Variants in NEK10 observed in about 807,000 individuals in gnomAD.
NEK10 encodes the protein NIMA related kinase 10.
Under a neutral mutation model 159.8 loss-of-function variants are expected in NEK10, and 122 were observed. That is an observed-to-expected ratio of 0.76 (90% CI 0.66 to 0.89). The LOEUF is 0.89. Among genes scored for constraint, NEK10 ranks in the 40% least tolerant of loss-of-function variants. The pLI, the probability that NEK10 is intolerant of heterozygous loss-of-function variation, is 0.00. For missense variants in NEK10, 1,342 were observed against 1,323.1 expected (o/e 1.01, Z -0.22); for synonymous variants, 466 against 457.1 (o/e 1.02, Z -0.25).
At chr3:27,328,400 A>T (rs1162888830) in intron 5 of NEK10, among the ~76,000 whole-genome samples, 1 of 152,220 alleles carries the variant, frequency 6.6e-6, no homozygotes, top group African/African-American at 2.4e-5. Flanking sequence ...CAGTCACAGA[A>T]CAGTTCTTTG....
At chr3:27,189,741 T>G (rs1948952301) in intron 26 of NEK10, among the ~76,000 whole-genome samples, 1 of 152,164 alleles carries the variant, frequency 6.6e-6, no homozygotes, top group Non-Finnish European at 1.5e-5. Context: ...AAAGCTGCAT[T>G]TTTTCCTTTT....
At chr3:27,249,554 T>C (rs748768709) in intron 23 of NEK10, among the ~76,000 whole-genome samples, 5 of 152,196 alleles carry the variant, frequency 3.3e-5, no homozygotes, top group Non-Finnish European at 5.9e-5. Flanking sequence ...TGCTCTTTTT[T>C]GGCTTCCATT....
chr3:27,338,211 T>C (rs1334153955), intron 5 of NEK10, among the ~76,000 whole-genome samples: 1 of 152,060 alleles, frequency 6.6e-6, no homozygotes, highest in Non-Finnish European at 1.5e-5. Context: ...CCTTGTAATA[T>C]TTTACTGAGA....
intron 25 of NEK10, among the ~76,000 whole-genome samples, chr3:27,198,289 A>G (rs1949733029): frequency 6.6e-6 from 1 of 151,334 alleles, no homozygotes; most frequent in Admixed American, 6.6e-5. Flanking sequence ...TTAAATTTAC[A>G]TGGAACCAAA....
intron 30 of NEK10, among the ~76,000 whole-genome samples, chr3:27,150,539 A>G (rs1442384955): frequency 6.6e-6 from 1 of 152,212 alleles, no homozygotes; most frequent in Admixed American, 6.5e-5. Flanking sequence ...CACTCTGTTT[A>G]TTGAATATTT....
At chr3:27,185,739 AAAC>A (rs1295592748) in intron 26 of NEK10, among the ~76,000 whole-genome samples, 3 of 152,218 alleles carry the variant, frequency 2.0e-5, no homozygotes, top group African/African-American at 7.2e-5. Flanking sequence ...TAACAGTGAT[AAAC>A]AACAATTATA....
intron 25 of NEK10, 30 bp from the exon 26 acceptor site, chr3:27,192,272 C>T (rs1035833235): frequency 1.3e-6 from 2 of 1,554,824 alleles, no homozygotes; most frequent in Admixed American, 3.3e-5. Context: ...TTATAACACT[C>T]TGGTCAATGT....
chr3:27,329,699 C>A lies in NEK10; in HGVS notation c.363-7438G>T, dbSNP rs552253064. On this transcript the variant is annotated intron_variant, in intron 5 of 35. Coordinates refer to ENST00000691995, the MANE Select transcript of NEK10 (RefSeq NM_001394966.1). ...CAAAGTGATACTTTTCCCTGGTGCA[C>A]ACCTAAAACAAATTTTAAATGTGCA... is the stretch of plus-strand genomic sequence containing the variant. 2.0e-5 allele frequency among the ~76,000 whole-genome samples: 3 copies of A among 152,298 alleles called. No individual in the cohort carries two copies. The East Asian group carries it at 5.8e-4, about 29-fold the overall frequency.
intron 6 of NEK10, among the ~76,000 whole-genome samples, chr3:27,315,154 C>A (rs952579916): frequency 2.0e-5 from 3 of 152,134 alleles, no homozygotes; most frequent in African/African-American, 7.2e-5. Context: ...TTAATTACAT[C>A]TGTATTGACA....
Position 27,297,257 on chromosome 3 carries a change from C to A in NEK10, c.1169-17G>T. The A allele has an allele frequency of 6.3e-7, 1 of 1,577,154 alleles. No individual in the cohort carries two copies. Among genetic ancestry groups the A allele is most frequent in the South Asian group, 1.1e-5 (1 of 90,290 alleles). ...CACAGCAGGCTGGAATGACAACAAT[C>A]AAATGCATAGTGTGCATCATTACAA... On this transcript the variant is annotated splice_polypyrimidine_tract_variant and intron_variant, in intron 13 of 35. Transcript: ENST00000691995.
intron 3 of NEK10, among the ~76,000 whole-genome samples, chr3:27,347,275 G>C (rs1366529545): frequency 6.6e-6 from 1 of 151,968 alleles, no homozygotes; most frequent in Admixed American, 6.6e-5. Flanking sequence ...AGCACTTTGG[G>C]AGGCCCAGGT....
intron 11 of NEK10, 134 bp downstream of exon 11, chr3:27,307,725 A>G: frequency 1.6e-6 from 1 of 638,520 alleles, no homozygotes; most frequent in South Asian, 1.8e-5. Flanking sequence ...TATAAACTTA[A>G]ACAGAAAATA....
chr3:27,199,940 A>G (rs1348649702), intron 25 of NEK10, among the ~76,000 whole-genome samples: 1 of 152,164 alleles, frequency 6.6e-6, no homozygotes, highest in East Asian at 1.9e-4. Flanking sequence ...GGGGAACAGC[A>G]GACACTGGGA....
Position 27,140,064 on chromosome 3 carries a change from T to A in NEK10, c.2970+1418A>T, listed in dbSNP as rs917683591. Among the ~76,000 whole-genome samples the A allele has an allele frequency of 7.2e-5, 11 of 152,086 alleles. No homozygotes were observed. The South Asian group carries it at 2.3e-3, about 32-fold the overall frequency. The stretch of plus-strand genomic sequence containing the variant: ...TCTTCCATAAAGGGCAGCAGGGAGG[T>A]ACTATTATTTAGAATGCCTTAGCCA... On this transcript the variant is annotated intron_variant, in intron 31 of 35. Transcript: ENST00000691995.
chr3:27,230,112 G>A (rs1372940001), intron 23 of NEK10, among the ~76,000 whole-genome samples: 2 of 151,978 alleles, frequency 1.3e-5, no homozygotes, highest in African/African-American at 2.4e-5. Flanking sequence ...TTTAACAGAA[G>A]TAAGACAAAA....
chr3:27,186,792 G>C (rs1178893266), intron 26 of NEK10, among the ~76,000 whole-genome samples: 1 of 152,132 alleles, frequency 6.6e-6, no homozygotes, highest in Non-Finnish European at 1.5e-5. Context: ...AATAGAAAAG[G>C]ATGAAGAAGG....
chr3:27,331,262 A>AACAAAAAAAAAAAAAAAAAAC (rs1553639046), intron 5 of NEK10, among the ~76,000 whole-genome samples: 1 of 110,082 alleles, frequency 9.1e-6, no homozygotes. Context: ...AAAAAAAAAA[A>AACAAAAAAAAAAAAAAAAAAC]ACACACAAAC....
chr3:27,364,417 G>A (rs572110869), intron 1 of NEK10, among the ~76,000 whole-genome samples: 5 of 146,418 alleles, frequency 3.4e-5, no homozygotes, highest in East Asian at 2.1e-4. Context: ...TAGTAGAGAC[G>A]GGGTTTCACC....
At position 27,297,636 on chromosome 3, in the gene NEK10, C is replaced by T. The variant is rs574642427; in HGVS notation, c.1169-396G>A. ...AGAATGCTTTAAATATATTATTCAA[C>T]TCAATCCTTATAATAAGAGTATGCA... On this transcript the variant is annotated intron_variant, in intron 13 of 35. Transcript: ENST00000691995. 2.6e-5 allele frequency among the ~76,000 whole-genome samples: 4 copies of T among 152,322 alleles called. No individual in the cohort carries two copies. The South Asian group carries it at 6.2e-4, about 24-fold the overall frequency.
Sources: allele counts gnomAD v4.1 joint callset (sites outside exome capture counted in the v4.1 genomes callset), GRCh38; gene constraint gnomAD v4.1.1; transcripts MANE v1.5; gene names NCBI Gene and HGNC (gene_info 2026-07-23, HGNC 2026-07-21).